Variants in PELP1 observed in about 807,000 individuals in gnomAD.
PELP1 encodes the protein proline-, glutamic acid- and leucine-rich protein 1.
PELP1 carries 32 observed loss-of-function variants against 95.5 expected under a neutral mutation model. The observed-to-expected ratio is 0.34, with a 90% CI of 0.25 to 0.45. The LOEUF is 0.45. Among genes scored for constraint, PELP1 ranks in the 20% least tolerant of loss-of-function variants. The probability of loss-of-function intolerance (pLI) is 1.00; values close to 1 mark genes in which losing one functional copy is unlikely to be tolerated. For synonymous variants in PELP1, 668 were observed against 600.1 expected, an observed-to-expected ratio of 1.11 and a Z score of -1.65; for missense variants, 1,358 against 1,444.8, an observed-to-expected ratio of 0.94 and a Z score of 0.97.
In PELP1 at chr17:4,672,246, CTCT is replaced by C. The variant is rs1239849015; in HGVS notation, c.2742_2744del (p.Glu915del). The C allele has an allele frequency of 6.4e-7, 1 of 1,551,922 alleles. No individual in the cohort carries two copies. The highest frequency in any genetic ancestry group is 8.7e-7 in the Non-Finnish European group (1 of 1,146,906). On this transcript the variant is annotated inframe_deletion, in exon 16 of 17. Coordinates refer to ENST00000572293, the MANE Select transcript of PELP1 (RefSeq NM_014389.3). ...CCTCTTCAAAATATTCCTCTTCATCCTCTTCCTCTTCCTCAAAGTCTTCCTCCT... is the reference window on the plus strand; with the variant it reads ...CCTCTTCAAAATATTCCTCTTCATCCTCCTCTTCCTCAAAGTCTTCCTCCT...
Position 4,675,960 on chromosome 17 carries a change from T to G in PELP1, c.980+76A>C. 1 of 1,593,432 alleles carries G rather than the reference T, an allele frequency of 6.3e-7. No homozygotes were observed. Among genetic ancestry groups the G allele is most frequent in the South Asian group, 1.1e-5 (1 of 89,332 alleles). ...CTCCCACACCCACCTTCATCTCCTT[T>G]CTCCTGATGAAGGCGACACTCCCTC... On this transcript the variant is annotated intron_variant, in intron 8 of 16. Transcript: ENST00000572293. This position sits in a 1 kb window ranked among gnomAD's most constrained non-coding sequence, Gnocchi z 4.3.
chr17:4,694,689 T>C (rs1468186953), intron 1 of PELP1, among the ~76,000 whole-genome samples: 1 of 143,512 alleles, frequency 7.0e-6, no homozygotes, highest in East Asian at 2.1e-4. Context: ...AAAAATAAAA[T>C]GGGCCGGGCG....
Position 4,672,295 on chromosome 17 carries a change from T to C in PELP1, c.2696A>G (p.Glu899Gly). The change falls in exon 16 of 17, where the codon GAA becomes GGA. Residue 899 changes from glutamate to glycine, a missense_variant. Coordinates refer to ENST00000572293, the MANE Select transcript of PELP1 (RefSeq NM_014389.3). ...CTCCTCTTCCTCTTCTTCCTCTTCTTCTTCTTCCTCTTCTTCCTCTTCCTC... is the reference window on the plus strand; with the variant it reads ...CTCCTCTTCCTCTTCTTCCTCTTCTCCTTCTTCCTCTTCTTCCTCTTCCTC... ...EEEEEEEEEEEEEEEEEEEED... is the reference protein window; with the variant it reads ...EEEEEEEEEEGEEEEEEEEED... 2 of 1,550,914 alleles carry C rather than the reference T, an allele frequency of 1.3e-6. No homozygotes were observed. The highest frequency in any genetic ancestry group is 1.7e-6 in the Non-Finnish European group (2 of 1,146,506).
chr17:4,679,740 C>T (rs992415088), intron 5 of PELP1, among the ~76,000 whole-genome samples: 2 of 152,184 alleles, frequency 1.3e-5, no homozygotes, highest in Non-Finnish European at 2.9e-5. Context: ...ATCGATGAGT[C>T]ACTCCAAATA....
rs1597452118 is a variant in PELP1 at position 4,684,509 on chromosome 17, C to T, written c.421-1557G>A. ...CATCCTACCCACCCTCTCCTGCCCT[C>T]TTCCTACCCAAAGACAGTCCCTCCG... On this transcript the variant is annotated intron_variant, in intron 3 of 16. Coordinates refer to ENST00000572293, the MANE Select transcript of PELP1 (RefSeq NM_014389.3). Among the ~76,000 whole-genome samples the T allele has an allele frequency of 2.0e-5, 3 of 152,300 alleles. No individual in the cohort carries two copies. The South Asian group carries it at 6.2e-4, about 32-fold the overall frequency.
intron 3 of PELP1, among the ~76,000 whole-genome samples, chr17:4,685,720 G>C (rs1912884930): frequency 6.6e-6 from 1 of 151,308 alleles, no homozygotes; most frequent in South Asian, 2.1e-4. Flanking sequence ...GTGAGCACCA[G>C]AGGTCAAGGC....
Position 4,674,490 on chromosome 17 carries a change from A to T in PELP1, c.1582+20T>A, listed in dbSNP as rs111519061. 1 of 1,605,374 alleles carries T rather than the reference A, an allele frequency of 6.2e-7. No homozygotes were observed. Among genetic ancestry groups the T allele is most frequent in the Non-Finnish European group, 8.5e-7 (1 of 1,176,408 alleles). On this transcript the variant is annotated intron_variant, in intron 13 of 16. Transcript: ENST00000572293. Reference sequence around the variant, plus strand: ...GGTCCCGTTTGAGCCCCAGTGGTCCAGGGCACAGGCCTCACCCACCTCTGA... The same window carrying T: ...GGTCCCGTTTGAGCCCCAGTGGTCCTGGGCACAGGCCTCACCCACCTCTGA...
chr17:4,682,617 T>C (rs2150557956), intron 4 of PELP1, 44 bp from the exon 5 acceptor site: 2 of 1,527,964 alleles, frequency 1.3e-6, no homozygotes, highest in African/African-American at 1.4e-5. Flanking sequence ...GCGAGCACCA[T>C]GTCACCATAT....
chr17:4,701,321 A>AG (rs1913522955), intron 1 of PELP1, among the ~76,000 whole-genome samples: 1 of 105,472 alleles, frequency 9.5e-6, no homozygotes, highest in Admixed American at 9.9e-5. Context: ...GGAGGATGAG[A>AG]GTTGGGGGGG....
At chr17:4,694,886 G>A (rs149726336) in intron 1 of PELP1, among the ~76,000 whole-genome samples, 73 of 151,934 alleles carry the variant, frequency 4.8e-4, no homozygotes, top group African/African-American at 1.6e-3. Context: ...AAGGAGAATC[G>A]CTTGAACCTG....
Position 4,671,396 on chromosome 17 carries a change from G to A in PELP1, c.*43C>T. ...GCAGAAGCAGCAGTCGCTATCTAAGGACATAACTTTATTGGAAACAAAGAG... is the reference window on the plus strand; with the variant it reads ...GCAGAAGCAGCAGTCGCTATCTAAGAACATAACTTTATTGGAAACAAAGAG... On this transcript the variant is annotated 3_prime_UTR_variant, in exon 17 of 17. Coordinates refer to ENST00000572293, the MANE Select transcript of PELP1 (RefSeq NM_014389.3). 9.3e-7 allele frequency: 1 copy of A among 1,072,182 alleles called. No individual in the cohort carries two copies. The highest frequency in any genetic ancestry group is 1.5e-5 in the African/African-American group (1 of 64,812). The allele number at this position is 1,072,182 out of a possible 1,614,324, so 66.4% of individuals were successfully genotyped here. A position where few individuals can be genotyped will look rare whatever the true frequency, so the allele number is the denominator to read the frequency against.
rs1387548168 is a variant in PELP1, at chr17:4,671,923, G to A, written c.3068C>T (p.Ala1023Val). The A allele has an allele frequency of 6.6e-7, 1 of 1,519,584 alleles. No homozygotes were observed. The highest frequency in any genetic ancestry group is 8.8e-7 in the Non-Finnish European group (1 of 1,138,268). 94.1% of individuals were successfully genotyped at this position (1,519,584 alleles called of 1,614,324 possible). Residue 1023 changes from alanine (A) to valine (V), a missense_variant, in exon 16 of 17, where the codon GCT becomes GTT. Coordinates refer to ENST00000572293, the MANE Select transcript of PELP1 (RefSeq NM_014389.3). ...GTEEERGADT[A>V]PTLAPEALPS... ...GAGCGCTTCAGGGGCCAGGGTGGGA[G>A]CTGTGTCAGCCCCACGCTCCTCCTC... is the stretch of plus-strand genomic sequence containing the variant.
rs375826852 is a variant in PELP1, at chr17:4,673,274, G to A, written c.1821C>T (p.Leu607=). The A allele has an allele frequency of 2.2e-5, 34 of 1,577,020 alleles. No homozygotes were observed. The highest frequency in any genetic ancestry group is 8.1e-5 in the African/African-American group (6 of 74,174). ...CCTCAAGGCTATCTTCTCGCTGGCC[G>A]AGGGAGAAGGCTTGCAGGGCACAGG... The part of the protein sequence containing the change: ...PLACALQAFS[L]GQREDSLEVS... Residue 607 remains leucine, a synonymous_variant, in exon 15 of 17, where the codon CTC becomes CTT. Transcript: ENST00000572293. The surrounding 1 kb of genome is among the most constrained non-coding windows in gnomAD (Gnocchi z 5.7).
chr17:4,678,633 C>T (rs747300182), intron 5 of PELP1, among the ~76,000 whole-genome samples: 2 of 152,210 alleles, frequency 1.3e-5, no homozygotes, highest in Non-Finnish European at 2.9e-5. Context: ...TCACTCAAAA[C>T]GCGCACACAC....
chr17:4,671,419 G>C lies in PELP1; in HGVS notation c.*20C>G, dbSNP rs180820752. ...AGGACATAACTTTATTGGAAACAAAGAGTGGGGTGCAGAAGATGGCTAGGA... is the reference window on the plus strand; with the variant it reads ...AGGACATAACTTTATTGGAAACAAACAGTGGGGTGCAGAAGATGGCTAGGA... On this transcript the variant is annotated 3_prime_UTR_variant, in exon 17 of 17. Transcript: ENST00000572293. 5.2e-4 allele frequency: 650 copies of C among 1,238,770 alleles called. 4 individuals are homozygous for C. Among genetic ancestry groups the C allele is most frequent in the Non-Finnish European group, 1.4e-4 (117 of 837,252 alleles). The allele number at this position is 1,238,770 out of a possible 1,614,324, so 76.7% of individuals were successfully genotyped here. A position where few individuals can be genotyped will look rare whatever the true frequency, so the allele number is the denominator to read the frequency against.
intron 1 of PELP1, 129 bp downstream of exon 1, chr17:4,703,734 A>C: frequency 1.3e-6 from 1 of 741,090 alleles, no homozygotes; most frequent in Non-Finnish European, 2.2e-6. Flanking sequence ...TGATACCTGG[A>C]TCCCCTTTCT....
Position 4,682,806 on chromosome 17 carries a change from T to C in PELP1, c.567A>G (p.Pro189=). ...GLLTSLLGLR[P]ECEQSALEGM... ...AGGGTCCAGGGAGACATCTCACCTC[T>C]GGCCTGAGGCCCAGCAGGGAGGTGA... is the stretch of plus-strand genomic sequence containing the variant. Residue 189 remains proline (P), a synonymous_variant, in exon 4 of 17, where the codon CCA becomes CCG. Coordinates refer to ENST00000572293, the MANE Select transcript of PELP1 (RefSeq NM_014389.3). The C allele has an allele frequency of 6.4e-7, 1 of 1,574,500 alleles. No individual in the cohort carries two copies. The highest frequency in any genetic ancestry group is 8.6e-7 in the Non-Finnish European group (1 of 1,163,048).
At chr17:4,671,658 C>G in intron 16 of PELP1, 33 bp downstream of exon 16, 3 of 1,600,300 alleles carry the variant, frequency 1.9e-6, no homozygotes, top group Non-Finnish European at 1.7e-6. Context: ...CCCACCTTCT[C>G]GCCCAAGGAA....
chr17:4,674,458 A>T (rs947026499), intron 13 of PELP1, 52 bp downstream of exon 13: 2 of 1,550,272 alleles, frequency 1.3e-6, no homozygotes, highest in African/African-American at 2.8e-5. Flanking sequence ...ACTAGGGGAA[A>T]GGATGGGGTC....
Sources: allele counts gnomAD v4.1 joint callset (sites outside exome capture counted in the v4.1 genomes callset), GRCh38; gene constraint gnomAD v4.1.1; non-coding constraint Gnocchi (gnomAD v3.1); transcripts MANE v1.5; gene names NCBI Gene and HGNC (gene_info 2026-07-23, HGNC 2026-07-21).